The following RCN3 variants were observed in gnomAD, a reference collection of about 807,000 sequenced individuals.
The protein encoded by RCN3 is reticulocalbin-3.
RCN3 carries 41 observed loss-of-function variants against 35.9 expected under a neutral mutation model. That is an observed-to-expected ratio of 1.14 (90% CI 0.89 to 1.48). RCN3 has a LOEUF of 1.48. RCN3 is among the 40% of genes most tolerant of loss of function. The pLI is 0.00. For missense variants in RCN3, 451 were observed against 471.3 expected (o/e 0.96, Z 0.40); for synonymous variants, 187 against 193.4 (o/e 0.97, Z 0.27).
intron 2 of RCN3, among the ~76,000 whole-genome samples, chr19:49,530,824 G>A (rs1204990862): frequency 1.3e-5 from 2 of 152,140 alleles, no homozygotes; most frequent in African/African-American, 4.8e-5. Flanking sequence ...AGGGAACTTG[G>A]ACAAGGCCTC....
intron 4 of RCN3, 149 bp from the exon 5 acceptor site, chr19:49,538,970 C>G (rs972749172): frequency 2.2e-5 from 12 of 545,470 alleles, no homozygotes; most frequent in Admixed American, 1.1e-4. Flanking sequence ...TTCCCACATG[C>G]CACCTGTTGA....
chr19:49,528,501 T>C lies in RCN3; in HGVS notation c.29T>C (p.Leu10Pro). Residue 10 changes from leucine to proline, a missense_variant, in exon 2 of 7, where the codon CTT becomes CCT. Coordinates refer to ENST00000270645, the MANE Select transcript of RCN3 (RefSeq NM_020650.3). ...ATGTGGCGACCATCAGTTCTGCTGC[T>C]TCTGTTGCTACTGAGGCACGGGGCC... MMWRPSVLL[L>P]LLLLRHGAQG... 1 of 1,537,010 alleles carries C rather than the reference T, an allele frequency of 6.5e-7. No homozygotes were observed. The highest frequency in any genetic ancestry group is 8.7e-7 in the Non-Finnish European group (1 of 1,142,994).
In RCN3 at chr19:49,528,412, C is replaced by A. The variant is rs1405148951; in HGVS notation, c.-6-55C>A. On this transcript the variant is annotated intron_variant, in intron 1 of 6. Coordinates refer to ENST00000270645, the MANE Select transcript of RCN3 (RefSeq NM_020650.3). ...CCCTCCACCCCGCCATTCTCCTATC[C>A]CGTGTCTGTCCCCATCCCTGTGACC... 4.2e-6 allele frequency: 6 copies of A among 1,430,920 alleles called. No individual in the cohort carries two copies. The African/African-American group carries it at 7.4e-5, about 18-fold the overall frequency. The allele number at this position is 1,430,920 out of a possible 1,614,324, so 88.6% of individuals were successfully genotyped here.
At chr19:49,539,879 C>A (rs186388469) in intron 5 of RCN3, among the ~76,000 whole-genome samples, 1 of 151,932 alleles carries the variant, frequency 6.6e-6, no homozygotes, top group African/African-American at 2.4e-5. Flanking sequence ...CCTGCCACCA[C>A]GCCTGGCTAA....
chr19:49,539,746 A>T (rs1469600341), intron 5 of RCN3, among the ~76,000 whole-genome samples: 1 of 104,192 alleles, frequency 9.6e-6, no homozygotes, highest in Non-Finnish European at 1.9e-5. Flanking sequence ...TTTTTTTGAG[A>T]CAGTTTTTTT....
chr19:49,528,181 C>T (rs1454357483), intron 1 of RCN3, 123 bp downstream of exon 1: 6 of 376,462 alleles, frequency 1.6e-5, no homozygotes, highest in Non-Finnish European at 9.5e-6. Context: ...CTATGCCCTG[C>T]ACCTTGCGTG....
intron 2 of RCN3, among the ~76,000 whole-genome samples, chr19:49,532,100 C>CTTTTTTTTTTTTTTT (rs925920521): frequency 3.2e-5 from 3 of 93,026 alleles, no homozygotes; most frequent in African/African-American, 1.3e-4. Flanking sequence ...GGCGCCTGGC[C>CTTTTTTTTTTTTTTT]TTTTTTTTTT....
chr19:49,543,578 G>C lies in RCN3; in HGVS notation c.*365G>C, dbSNP rs1018624673. Reference sequence around the variant, plus strand: ...CCCTGGCCCCAGCCCTCTCCTGCCTGGCCTGGCCTGGGACACCTCCTCTCT... The same window carrying C: ...CCCTGGCCCCAGCCCTCTCCTGCCTCGCCTGGCCTGGGACACCTCCTCTCT... On this transcript the variant is annotated 3_prime_UTR_variant, in exon 7 of 7. Coordinates refer to ENST00000270645, the MANE Select transcript of RCN3 (RefSeq NM_020650.3). 9 of 247,288 alleles carry C rather than the reference G, an allele frequency of 3.6e-5. No individual in the cohort carries two copies. The highest frequency in any genetic ancestry group is 7.3e-5 in the Non-Finnish European group (9 of 124,066). 15.3% of individuals were successfully genotyped at this position (247,288 alleles called of 1,614,324 possible). A position where few individuals can be genotyped will look rare whatever the true frequency, so the allele number is the denominator to read the frequency against.
At chr19:49,533,108 G>A (rs1465608608) in intron 2 of RCN3, among the ~76,000 whole-genome samples, 1 of 152,226 alleles carries the variant, frequency 6.6e-6, no homozygotes, top group East Asian at 1.9e-4. Context: ...CTTGCCCACA[G>A]TCACACAGCC....
rs1239396003 is a variant in RCN3 at position 49,540,961 on chromosome 19, G to A, written c.680-1592G>A. 6.3e-5 allele frequency among the ~76,000 whole-genome samples: 8 copies of A among 126,848 alleles called. No homozygotes were observed. The East Asian group carries it at 9.6e-4, about 15-fold the overall frequency. The allele number at this position is 126,848 out of a possible 152,430, so 83.2% of individuals were successfully genotyped here. A position where few individuals can be genotyped will look rare whatever the true frequency, so the allele number is the denominator to read the frequency against. ...TTTTTTTTTTTTGAGACAGAGTCTCGCTATTGTCGCCCAGGCTGGAGTGCA... is the reference window on the plus strand; with the variant it reads ...TTTTTTTTTTTTGAGACAGAGTCTCACTATTGTCGCCCAGGCTGGAGTGCA... On this transcript the variant is annotated intron_variant, in intron 5 of 6. Coordinates refer to ENST00000270645, the MANE Select transcript of RCN3 (RefSeq NM_020650.3).
intron 5 of RCN3, among the ~76,000 whole-genome samples, chr19:49,539,541 T>C (rs2080153169): frequency 1.3e-5 from 2 of 151,942 alleles, no homozygotes; most frequent in Admixed American, 6.6e-5. Flanking sequence ...TAGTTGAGAA[T>C]GGGGGTCAGG....
chr19:49,542,817 G>A, intron 6 of RCN3, 65 bp downstream of exon 6: 1 of 1,440,600 alleles, frequency 6.9e-7, no homozygotes, highest in Non-Finnish European at 9.4e-7. Flanking sequence ...ACTCCAGAAA[G>A]GAGCAAGACC....
At chr19:49,533,345 G>A (rs995925932) in intron 2 of RCN3, among the ~76,000 whole-genome samples, 1 of 152,200 alleles carries the variant, frequency 6.6e-6, no homozygotes, top group African/African-American at 2.4e-5. Context: ...GGCCGCGGGG[G>A]CCTAGGGACG....
intron 4 of RCN3, among the ~76,000 whole-genome samples, chr19:49,537,800 A>G (rs2080143761): frequency 7.1e-6 from 1 of 140,572 alleles, no homozygotes; most frequent in African/African-American, 2.8e-5. Flanking sequence ...TGCCCGGCCA[A>G]TTTTTAATTT....
At chr19:49,532,128 C>CA (rs2080111319) in intron 2 of RCN3, among the ~76,000 whole-genome samples, 1 of 96,346 alleles carries the variant, frequency 1.0e-5, no homozygotes, top group Non-Finnish European at 1.9e-5. Flanking sequence ...TTTTTTGAGA[C>CA]AGAGTCTCAC....
intron 4 of RCN3, among the ~76,000 whole-genome samples, chr19:49,538,022 A>C (rs58075796): frequency 0.1 from 15,121 of 148,490 alleles, 986 homozygotes; most frequent in African/African-American, 0.18. Context: ...GACAGGGCCT[A>C]ACTCTGTTAC....
At position 49,537,082 on chromosome 19, in the gene RCN3, G is replaced by T; in HGVS notation, c.495G>T (p.Leu165=). ...ATGCAGAGACCTACAAAAAGATGCT[G>T]GCTCGGGACGAGCGGCGTTTCCGGG... ...VEDAETYKKM[L]ARDERRFRVA... is the part of the protein sequence containing the mutation. The change falls in exon 4 of 7, where the codon CTG becomes CTT. Residue 165 remains leucine, a synonymous_variant. Transcript: ENST00000270645. 6.3e-7 allele frequency: 1 copy of T among 1,589,372 alleles called. No individual in the cohort carries two copies. The highest frequency in any genetic ancestry group is 8.6e-7 in the Non-Finnish European group (1 of 1,166,406).
intron 2 of RCN3, among the ~76,000 whole-genome samples, chr19:49,528,940 G>A (rs188746903): frequency 2.0e-5 from 3 of 152,256 alleles, no homozygotes; most frequent in Non-Finnish European, 2.9e-5. Flanking sequence ...CCAGCACTTT[G>A]GGAGGCCAAG....
intron 3 of RCN3, 35 bp downstream of exon 3, chr19:49,534,430 A>AGAGCCCCAGAGCC (rs1555811235): frequency 1.3e-6 from 2 of 1,530,066 alleles, no homozygotes; most frequent in Non-Finnish European, 1.8e-6. Context: ...CTCCCCATAC[A>AGAGCCCCAGAGCC]CCGTGACCCT....
Sources: gnomAD v4.1 joint callset for allele counts (sites outside exome capture counted in the v4.1 genomes callset) on GRCh38, gnomAD v4.1.1 for gene constraint, MANE v1.5 for transcripts, NCBI Gene and HGNC (gene_info 2026-07-23, HGNC 2026-07-21) for gene names.